Variants in ZFP14 observed in about 807,000 individuals in gnomAD.
ZFP14 encodes ZFP14 zinc finger protein.
Under a neutral mutation model 54.5 loss-of-function variants are expected in ZFP14, and 22 were observed. That is an observed-to-expected ratio of 0.40 (90% CI 0.29 to 0.58). ZFP14 has a LOEUF of 0.58. Among genes scored for constraint, ZFP14 ranks in the 20% least tolerant of loss-of-function variants. The probability of loss-of-function intolerance (pLI) is 0.39; values close to 1 mark genes in which losing one functional copy is unlikely to be tolerated. For missense variants in ZFP14, 470 were observed against 637.8 expected (o/e 0.74, Z 2.83); for synonymous variants, 159 against 204.0 (o/e 0.78, Z 1.88).
intron 1 of ZFP14, among the ~76,000 whole-genome samples, chr19:36,372,529 A>C (rs552880805): frequency 8.1e-4 from 123 of 152,324 alleles, no homozygotes; most frequent in African/African-American, 2.7e-3. Context: ...GACACATACA[A>C]CCTACCAAGA....
At chr19:36,345,496 A>C (rs147215001) in intron 4 of ZFP14, among the ~76,000 whole-genome samples, 1 of 152,336 alleles carries the variant, frequency 6.6e-6, no homozygotes, top group Non-Finnish European at 1.5e-5. Context: ...GCTATGTTGG[A>C]TGTGGGCTTG....
chr19:36,349,047 G>T (rs2145545328), intron 4 of ZFP14, among the ~76,000 whole-genome samples: 1 of 151,574 alleles, frequency 6.6e-6, no homozygotes, highest in South Asian at 2.1e-4. Flanking sequence ...GGCCAACGTG[G>T]TGAAACCCCA....
intron 4 of ZFP14, among the ~76,000 whole-genome samples, chr19:36,344,005 CTCTTT>C (rs2031369784): frequency 6.6e-6 from 1 of 152,128 alleles, no homozygotes; most frequent in East Asian, 1.9e-4. Context: ...CACACTCTTT[CTCTTT>C]TCTTTGTTTT....
In ZFP14 at chr19:36,351,886, G is replaced by C. The variant is rs985420162; in HGVS notation, c.235+8549C>G. Among the ~76,000 whole-genome samples, 2 of 142,318 alleles carry C rather than the reference G, an allele frequency of 1.4e-5. 1 individual carries two copies. The highest frequency in any genetic ancestry group is 3.1e-5 in the Non-Finnish European group (2 of 64,140). The allele number at this position is 142,318 out of a possible 152,430, so 93.4% of individuals were successfully genotyped here. A position where few individuals can be genotyped will look rare whatever the true frequency, so the allele number is the denominator to read the frequency against. On this transcript the variant is annotated intron_variant, in intron 4 of 4. Transcript: ENST00000270001. ...AAAATAAATGAATACATTTTTTAAAGATTCTATTAAGATCCGGCCGGGTGT... is the reference window on the plus strand; with the variant it reads ...AAAATAAATGAATACATTTTTTAAACATTCTATTAAGATCCGGCCGGGTGT...
Position 36,340,221 on chromosome 19 carries a change from C to A in ZFP14, c.*3G>T. 1 of 1,551,910 alleles carries A rather than the reference C, an allele frequency of 6.4e-7. No homozygotes were observed. The highest frequency in any genetic ancestry group is 8.7e-7 in the Non-Finnish European group (1 of 1,151,144). Reference sequence around the variant, plus strand: ...ATCATATACATTTGAAGGCTTTCTTCTATTAAATTCCATTATGAATCTTCT... The same window carrying A: ...ATCATATACATTTGAAGGCTTTCTTATATTAAATTCCATTATGAATCTTCT... On this transcript the variant is annotated 3_prime_UTR_variant, in exon 5 of 5. Coordinates refer to ENST00000270001, the MANE Select transcript of ZFP14 (RefSeq NM_020917.3). The surrounding 1 kb of genome is among the most constrained non-coding windows in gnomAD (Gnocchi z 5.4).
chr19:36,354,478 T>C (rs1487988716), intron 4 of ZFP14, among the ~76,000 whole-genome samples: 4 of 142,496 alleles, frequency 2.8e-5, no homozygotes, highest in African/African-American at 5.1e-5. Flanking sequence ...ACTTACCTTT[T>C]GAATAAGCAT....
chr19:36,336,681 T>C lies in ZFP14; in HGVS notation c.*3543A>G, dbSNP rs898990730. The stretch of plus-strand genomic sequence containing the variant: ...GGGTAAGTGAAGAAGATGAAGACTG[T>C]ATCCACAAATAAGATTTCCTTACCA... On this transcript the variant is annotated 3_prime_UTR_variant, in exon 5 of 5. Transcript: ENST00000270001. 6.6e-6 allele frequency: 1 copy of C among 152,232 alleles called. No individual in the cohort carries two copies. Among genetic ancestry groups the C allele is most frequent in the Non-Finnish European group, 1.5e-5 (1 of 68,038 alleles). The allele number at this position is 152,232 out of a possible 1,614,324, so 9.4% of individuals were successfully genotyped here.
At chr19:36,342,448 A>T (rs908714198) in intron 4 of ZFP14, among the ~76,000 whole-genome samples, 2 of 152,052 alleles carry the variant, frequency 1.3e-5, no homozygotes, top group Non-Finnish European at 2.9e-5. Flanking sequence ...CAGCCTTCCA[A>T]AGTGCTGGGA....
At chr19:36,347,217 A>G (rs1382652327) in intron 4 of ZFP14, among the ~76,000 whole-genome samples, 1 of 152,250 alleles carries the variant, frequency 6.6e-6, no homozygotes, top group South Asian at 2.1e-4. Context: ...TAGAAATAAT[A>G]TAGTTCTTGA....
chr19:36,361,907 T>C lies in ZFP14; in HGVS notation c.136+205A>G, dbSNP rs551812183. Among the ~76,000 whole-genome samples the C allele has an allele frequency of 9.2e-5, 14 of 152,290 alleles. No homozygotes were observed. In the South Asian group the frequency reaches 2.9e-3, roughly 32 times the overall value. The stretch of plus-strand genomic sequence containing the variant: ...TATTCAAATCCATCCCCTTGGATAC[T>C]AAGGAAATCAGGAATTACAGAGTCT... On this transcript the variant is annotated intron_variant, in intron 3 of 4. Transcript: ENST00000270001.
rs186077186 is a variant in ZFP14 at position 36,367,732 on chromosome 19, G to C, written c.9+152C>G. The C allele has an allele frequency of 2.7e-4, 217 of 789,132 alleles. 1 individual carries two copies. In the African/African-American group the frequency reaches 3.5e-3, roughly 13 times the overall value. The allele number at this position is 789,132 out of a possible 1,614,324, so 48.9% of individuals were successfully genotyped here. On this transcript the variant is annotated intron_variant, in intron 2 of 4. Transcript: ENST00000270001. ...GCCTGCCTCGGCCTCCCAAAGTGCT[G>C]GGATTACAGGCGTGAGCCATTGCGT...
chr19:36,374,541 C>T (rs765787182), intron 1 of ZFP14, among the ~76,000 whole-genome samples: 6 of 149,766 alleles, frequency 4.0e-5, no homozygotes, highest in Non-Finnish European at 8.9e-5. Context: ...GCTATGCTGA[C>T]AGCATGGTTT....
At chr19:36,359,846 T>C (rs1250489245) in intron 4 of ZFP14, among the ~76,000 whole-genome samples, 2 of 152,160 alleles carry the variant, frequency 1.3e-5, no homozygotes, top group East Asian at 3.9e-4. Context: ...GTAGAGACAG[T>C]GTTTTGCTGC....
At position 36,359,518 on chromosome 19, in the gene ZFP14, A is replaced by G. The variant is rs542263971; in HGVS notation, c.235+917T>C. 1.9e-3 allele frequency among the ~76,000 whole-genome samples: 291 copies of G among 152,342 alleles called. 14 individuals carry two copies. The South Asian group carries it at 0.057, about 30-fold the overall frequency. ...TAATGAATTCAATTACTTTAGCAGCATAAGGGTATTCAATTTCTTTTTTAT... is the reference window on the plus strand; with the variant it reads ...TAATGAATTCAATTACTTTAGCAGCGTAAGGGTATTCAATTTCTTTTTTAT... On this transcript the variant is annotated intron_variant, in intron 4 of 4. Coordinates refer to ENST00000270001, the MANE Select transcript of ZFP14 (RefSeq NM_020917.3).
chr19:36,347,230 C>T (rs1174294170), intron 4 of ZFP14, among the ~76,000 whole-genome samples: 1 of 152,162 alleles, frequency 6.6e-6, no homozygotes, highest in Admixed American at 6.5e-5. Context: ...GTTCTTGACA[C>T]ATGTAAATAA....
chr19:36,366,940 G>C (rs2031803990), intron 2 of ZFP14, among the ~76,000 whole-genome samples: 1 of 152,138 alleles, frequency 6.6e-6, no homozygotes, highest in Non-Finnish European at 1.5e-5. Context: ...GATCACCTGA[G>C]ATGAGGAGTT....
At chr19:36,359,003 C>G (rs1429422174) in intron 4 of ZFP14, among the ~76,000 whole-genome samples, 1 of 152,182 alleles carries the variant, frequency 6.6e-6, no homozygotes, top group Non-Finnish European at 1.5e-5. Flanking sequence ...CCTGCAAAGC[C>G]TCGGAATTCA....
chr19:36,374,777 T>G, intron 1 of ZFP14, among the ~76,000 whole-genome samples: 1 of 152,120 alleles, frequency 6.6e-6, no homozygotes, highest in East Asian at 1.9e-4. Flanking sequence ...CCAGTTAAAA[T>G]GTTTACAGTC....
In ZFP14 at chr19:36,340,503, C is replaced by T. The variant is rs764287822; in HGVS notation, c.1323G>A (p.Gln441=). ...KAFRLLSQLT[Q]HQSIHTGEKP... ...TCTCACCAGTGTGAATACTTTGATGCTGAGTAAGTTGTGAGAGCAGTCTAA... is the reference window on the plus strand; with the variant it reads ...TCTCACCAGTGTGAATACTTTGATGTTGAGTAAGTTGTGAGAGCAGTCTAA... Residue 441 remains glutamine, a synonymous_variant, in exon 5 of 5, where the codon CAG becomes CAA. Coordinates refer to ENST00000270001, the MANE Select transcript of ZFP14 (RefSeq NM_020917.3). This position sits in a 1 kb window ranked among gnomAD's most constrained non-coding sequence, Gnocchi z 5.4. The T allele has an allele frequency of 2.2e-5, 35 of 1,613,342 alleles. No individual in the cohort carries two copies. In the South Asian group the frequency reaches 3.6e-4, roughly 17 times the overall value.
Sources: allele counts gnomAD v4.1 joint callset (sites outside exome capture counted in the v4.1 genomes callset), GRCh38; gene constraint gnomAD v4.1.1; non-coding constraint Gnocchi (gnomAD v3.1); transcripts MANE v1.5; gene names NCBI Gene and HGNC (gene_info 2026-07-23, HGNC 2026-07-21).